Variants in SLC12A9 observed in about 807,000 individuals in gnomAD.
SLC12A9 encodes solute carrier family 12 member 9.
SLC12A9 carries 55 observed loss-of-function variants against 66.0 expected under a neutral mutation model. That is an observed-to-expected ratio of 0.83 (90% CI 0.67 to 1.04). The LOEUF is 1.04. SLC12A9 is among the 50% of genes least tolerant of loss of function. The pLI is 0.00. For missense variants in SLC12A9, 1,061 were observed against 1,241.9 expected (o/e 0.85, Z 2.19); for synonymous variants, 577 against 569.0 (o/e 1.01, Z -0.20).
At chr7:100,833,373 G>T (rs1437593279) in intron 1 of SLC12A9, among the ~76,000 whole-genome samples, 4 of 152,076 alleles carry the variant, frequency 2.6e-5, no homozygotes, top group South Asian at 4.1e-4. Context: ...GGAGGCTGAG[G>T]CACGAGAATT....
chr7:100,859,198 G>A, intron 7 of SLC12A9, 37 bp downstream of exon 7: 2 of 1,589,684 alleles, frequency 1.3e-6, no homozygotes, highest in Non-Finnish European at 1.7e-6. Flanking sequence ...TGTCGAACAA[G>A]ATTGGTGCAC....
chr7:100,866,101 C>T lies in SLC12A9; in HGVS notation c.2241C>T (p.Phe747=). The part of the protein sequence containing the change: ...GPGYVDVCGL[F]LLQMATILGM... ...GCTATGTGGATGTCTGCGGCCTCTTCCTGCTGCAGATGGCAACCATCTTGG... is the reference window on the plus strand; with the variant it reads ...GCTATGTGGATGTCTGCGGCCTCTTTCTGCTGCAGATGGCAACCATCTTGG... Residue 747 remains phenylalanine (F), a synonymous_variant, in exon 14 of 14, where the codon TTC becomes TTT. Transcript: ENST00000354161. This position sits in a 1 kb window ranked among gnomAD's most constrained non-coding sequence, Gnocchi z 7.3. The T allele has an allele frequency of 6.2e-7, 1 of 1,613,044 alleles. No homozygotes were observed. Among genetic ancestry groups the T allele is most frequent in the Middle Eastern group, 1.6e-4 (1 of 6,062 alleles).
chr7:100,831,398 C>T (rs1301721918), intron 1 of SLC12A9, among the ~76,000 whole-genome samples: 1 of 152,204 alleles, frequency 6.6e-6, no homozygotes, highest in Non-Finnish European at 1.5e-5. Flanking sequence ...GTTGGTCAGG[C>T]TGGTCTGGAA....
At chr7:100,858,761 G>A in intron 5 of SLC12A9, 74 bp from the exon 6 acceptor site, 2 of 1,415,016 alleles carry the variant, frequency 1.4e-6, no homozygotes, top group Non-Finnish European at 2.0e-6. Context: ...GGAATGTGTG[G>A]AGAGGGTGGC....
Position 100,866,328 on chromosome 7 carries a change from G to C in SLC12A9, c.2468G>C (p.Ser823Thr). 5 of 1,507,984 alleles carry C rather than the reference G, an allele frequency of 3.3e-6. No individual in the cohort carries two copies. Among genetic ancestry groups the C allele is most frequent in the Middle Eastern group, 2.4e-4 (1 of 4,186 alleles). The allele number at this position is 1,507,984 out of a possible 1,614,324, so 93.4% of individuals were successfully genotyped here. A position where few individuals can be genotyped will look rare whatever the true frequency, so the allele number is the denominator to read the frequency against. Residue 823 changes from serine to threonine, a missense_variant, in exon 14 of 14, where the codon AGT (serine) becomes ACT (threonine). Coordinates refer to ENST00000354161, the MANE Select transcript of SLC12A9 (RefSeq NM_020246.4). The surrounding 1 kb of genome is among the most constrained non-coding windows in gnomAD (Gnocchi z 7.3). Reference protein sequence around the residue: ...EAEEEGDFVNSGRGDAEAEAL... With the variant: ...EAEEEGDFVNTGRGDAEAEAL... Reference sequence around the variant, plus strand: ...GAGGAGGAAGGGGACTTTGTGAACAGTGGGCGGGGAGACGCAGAGGCAGAG... The same window carrying C: ...GAGGAGGAAGGGGACTTTGTGAACACTGGGCGGGGAGACGCAGAGGCAGAG...
intron 13 of SLC12A9, chr7:100,865,212 C>G: frequency 2.6e-6 from 4 of 1,519,540 alleles, no homozygotes; most frequent in Non-Finnish European, 3.5e-6. Context: ...CGTGCCTCAG[C>G]TTCCCAAGAT....
At chr7:100,860,823 G>T (rs1814702305) in intron 9 of SLC12A9, 2 of 454,052 alleles carry the variant, frequency 4.4e-6, no homozygotes, top group South Asian at 1.9e-5. Flanking sequence ...ACTTTCCAGG[G>T]TTCACTGACA....
At chr7:100,850,259 C>CTT (rs3048154), upstream of SLC12A9, among the ~76,000 whole-genome samples, 3 of 80,660 alleles carry the variant, frequency 3.7e-5, no homozygotes, top group Non-Finnish European at 8.2e-5. Context: ...TTCTTTCTTT[C>CTT]TTTTTTTTTT....
At chr7:100,839,238 T>C (rs1046151349) in intron 1 of SLC12A9, among the ~76,000 whole-genome samples, 15 of 151,592 alleles carry the variant, frequency 9.9e-5, no homozygotes, top group Admixed American at 7.9e-4. Flanking sequence ...GGCAGGAGAA[T>C]GGCGTGAACC....
intron 13 of SLC12A9, among the ~76,000 whole-genome samples, chr7:100,864,688 C>A (rs1002280819): frequency 6.6e-6 from 1 of 152,216 alleles, no homozygotes; most frequent in Admixed American, 6.5e-5. Context: ...CGTTGACCTA[C>A]CTGCCCCAGT....
upstream of SLC12A9, chr7:100,852,514 C>T (rs565300035): frequency 6.6e-6 from 1 of 152,246 alleles, no homozygotes; most frequent in Non-Finnish European, 1.5e-5. Flanking sequence ...TTGTTTGTAC[C>T]TAAGTGAAGG....
Position 100,844,918 on chromosome 7 carries a change from C to T in SLC12A9, n.229-14967C>T, listed in dbSNP as rs141672935. On this transcript the variant is annotated intron_variant and non_coding_transcript_variant, in intron 1 of 1. Coordinates refer to the SLC12A9 transcript ENST00000461016. ...CAAGAAATTTGTTTTTGCAATTAGC[C>T]GAGCGTGCAGCCCAGTCTCTCAATG... 1.1e-4 allele frequency among the ~76,000 whole-genome samples: 16 copies of T among 152,086 alleles called. 1 individual carries two copies. Among genetic ancestry groups the T allele is most frequent in the East Asian group, 7.7e-4 (4 of 5,184 alleles).
chr7:100,830,144 G>T (rs1349620193), intron 1 of SLC12A9, among the ~76,000 whole-genome samples: 2 of 152,108 alleles, frequency 1.3e-5, no homozygotes, highest in Admixed American at 6.6e-5. Flanking sequence ...CTGAGGTCAG[G>T]AGTTCGAGAC....
chr7:100,861,212 C>G lies in SLC12A9; in HGVS notation c.1293C>G (p.Ala431=), dbSNP rs369088025. The G allele has an allele frequency of 6.2e-7, 1 of 1,614,216 alleles. No individual in the cohort carries two copies. The highest frequency in any genetic ancestry group is 1.6e-4 in the Middle Eastern group (1 of 6,062). ...TCTTCTACCTGGTGGCCTATGCTGC[C>G]GTGGACCTGTCCTGCCTGAGCCTGG... ...VTVFYLVAYA[A]VDLSCLSLEW... is the part of the protein sequence containing the mutation. The change falls in exon 10 of 14, where the codon GCC becomes GCG. Residue 431 remains alanine (A), a synonymous_variant. Transcript: ENST00000354161. The surrounding 1 kb of genome is among the most constrained non-coding windows in gnomAD (Gnocchi z 5.3).
intron 1 of SLC12A9, among the ~76,000 whole-genome samples, chr7:100,844,607 C>T (rs1813864373): frequency 1.3e-5 from 2 of 151,808 alleles, no homozygotes; most frequent in African/African-American, 4.8e-5. Context: ...ATTTAAGCCA[C>T]TTAAATTAAA....
intron 9 of SLC12A9, 149 bp from the exon 10 acceptor site, chr7:100,860,988 TG>T (rs1258305837): frequency 8.5e-6 from 12 of 1,407,424 alleles, no homozygotes; most frequent in South Asian, 1.2e-5. Context: ...ATTGACACTT[TG>T]GGGGTGCACT....
Position 100,860,207 on chromosome 7 carries a change from T to C in SLC12A9, c.1193T>C (p.Val398Ala), listed in dbSNP as rs1814660893. The C allele has an allele frequency of 3.1e-6, 5 of 1,614,042 alleles. No individual in the cohort carries two copies. Among genetic ancestry groups the C allele is most frequent in the Non-Finnish European group, 4.2e-6 (5 of 1,179,990 alleles). ...CGAGGGGGAAACCCCTGGGCAGCTG[T>C]ACTTTATTCTTGGGGCCTGGTGCAG... is the stretch of plus-strand genomic sequence containing the variant. ...VSRGGNPWAA[V>A]LYSWGLVQLV... is the part of the protein sequence containing the mutation. The change falls in exon 9 of 14, where the codon GTA becomes GCA. Residue 398 changes from valine (V) to alanine (A), a missense_variant. Val to Ala is a moderately conservative substitution (Grantham distance 64). Coordinates refer to ENST00000354161, the MANE Select transcript of SLC12A9 (RefSeq NM_020246.4).
intron 1 of SLC12A9, among the ~76,000 whole-genome samples, chr7:100,844,401 G>T (rs990229752): frequency 3.3e-5 from 5 of 152,122 alleles, no homozygotes; most frequent in Non-Finnish European, 7.4e-5. Flanking sequence ...TGAGTAAAGT[G>T]TTAACCAAAA....
chr7:100,855,078 C>A (rs1584693665), intron 3 of SLC12A9, among the ~76,000 whole-genome samples: 1 of 152,134 alleles, frequency 6.6e-6, no homozygotes, highest in Non-Finnish European at 1.5e-5. Flanking sequence ...GCACGAGAAT[C>A]GCTTGAACCT....
Sources: allele counts gnomAD v4.1 joint callset (sites outside exome capture counted in the v4.1 genomes callset), GRCh38; gene constraint gnomAD v4.1.1; non-coding constraint Gnocchi (gnomAD v3.1); transcripts MANE v1.5; gene names NCBI Gene and HGNC (gene_info 2026-07-23, HGNC 2026-07-21).